The following RFT1 variants were observed in gnomAD, a reference collection of about 807,000 sequenced individuals.
The protein encoded by RFT1 is RFT1 glycolipid translocator homolog, also known as man(5)GlcNAc(2)-PP-dolichol translocation protein RFT1.
RFT1 carries 43 observed loss-of-function variants against 62.2 expected under a neutral mutation model. The observed-to-expected ratio is 0.69, with a 90% CI of 0.54 to 0.89. The LOEUF (loss-of-function observed/expected upper bound fraction) is 0.89, where lower values mean the gene tolerates loss of function less well. Among genes scored for constraint, RFT1 ranks in the 40% least tolerant of loss-of-function variants. The pLI is 0.00. For synonymous variants in RFT1, 262 were observed against 264.6 expected, an observed-to-expected ratio of 0.99 and a Z score of 0.10; for missense variants, 605 against 649.9, an observed-to-expected ratio of 0.93 and a Z score of 0.75.
At chr3:53,071,751 G>A in the RFT1 span, among the ~76,000 whole-genome samples, 1 of 152,144 alleles carries the variant, frequency 6.6e-6, no homozygotes, top group Non-Finnish European at 1.5e-5. Context: ...CCTTCCCCAG[G>A]GATATGACAC....
chr3:53,085,807 G>A (rs1280252806), downstream of RFT1: 1 of 152,256 alleles, frequency 6.6e-6, no homozygotes, highest in Non-Finnish European at 1.5e-5. Flanking sequence ...GTCAACTGGT[G>A]AAGAATCGAC....
intron 7 of RFT1, among the ~76,000 whole-genome samples, chr3:53,111,288 C>T (rs1701641520): frequency 6.6e-6 from 1 of 151,932 alleles, no homozygotes; most frequent in Non-Finnish European, 1.5e-5. Flanking sequence ...CACCTATAGT[C>T]CCAGCTACTC....
chr3:53,115,498 C>A (rs1160515299), intron 6 of RFT1, among the ~76,000 whole-genome samples: 1 of 152,174 alleles, frequency 6.6e-6, no homozygotes, highest in Non-Finnish European at 1.5e-5. Context: ...TGCCACCTGA[C>A]CCTAGCCTGG....
chr3:53,109,150 C>A (rs1701576799), intron 7 of RFT1, among the ~76,000 whole-genome samples: 1 of 152,096 alleles, frequency 6.6e-6, no homozygotes, highest in African/African-American at 2.4e-5. Flanking sequence ...TTGAGTCAGG[C>A]TGGGCCCACC....
chr3:53,083,414 G>C, the RFT1 span, among the ~76,000 whole-genome samples: 3 of 148,126 alleles, frequency 2.0e-5, no homozygotes, highest in Non-Finnish European at 4.5e-5. Flanking sequence ...AGGATCTCTT[G>C]AGCCCAGGAG....
At position 53,105,741 on chromosome 3, in the gene RFT1, C is replaced by G; in HGVS notation, c.889G>C (p.Glu297Gln). 1 of 1,613,884 alleles carries G rather than the reference C, an allele frequency of 6.2e-7. No homozygotes were observed. The highest frequency in any genetic ancestry group is 8.5e-7 in the Non-Finnish European group (1 of 1,179,882). ...LVARLIFQPI[E>Q]ESFYIFFAKV... ...GCAAAAAATATATAAAAACTTTCCT[C>G]TATTGGCTGGAAAATTAATCTGGCC... Residue 297 changes from glutamate (E) to glutamine (Q), a missense_variant, in exon 9 of 13, where the codon GAG (glutamate) becomes CAG (glutamine). Coordinates refer to ENST00000296292, the MANE Select transcript of RFT1 (RefSeq NM_052859.4).
chr3:53,091,607 C>T lies in RFT1; in HGVS notation c.*296G>A, dbSNP rs567674354. The T allele has an allele frequency of 4.9e-5, 19 of 390,300 alleles. No homozygotes were observed. The highest frequency in any genetic ancestry group is 7.7e-5 in the Non-Finnish European group (16 of 207,578). 24.2% of individuals were successfully genotyped at this position (390,300 alleles called of 1,614,324 possible). The stretch of plus-strand genomic sequence containing the variant: ...CATGTAGCTCCAAAGGCCAATCATA[C>T]GCAAAAGGAATGAGTATATTAGTAA... On this transcript the variant is annotated 3_prime_UTR_variant, in exon 13 of 13. Transcript: ENST00000296292.
At position 53,105,664 on chromosome 3, in the gene RFT1, C is replaced by A. The variant is rs753247463; in HGVS notation, c.957+9G>T. The A allele has an allele frequency of 1.2e-6, 2 of 1,613,216 alleles. No individual in the cohort carries two copies. Among genetic ancestry groups the A allele is most frequent in the Non-Finnish European group, 1.7e-6 (2 of 1,179,456 alleles). On this transcript the variant is annotated intron_variant, in intron 9 of 12. Coordinates refer to ENST00000296292, the MANE Select transcript of RFT1 (RefSeq NM_052859.4). The stretch of plus-strand genomic sequence containing the variant: ...TTCACTTGAGAGATGACATAAGAAC[C>A]AACATTACCTGCTTCTGAAGTGTGG...
downstream of RFT1, among the ~76,000 whole-genome samples, chr3:53,086,288 G>A (rs569387250): frequency 6.6e-6 from 1 of 152,094 alleles, no homozygotes; most frequent in Non-Finnish European, 1.5e-5. Context: ...TTTTAGAGTA[G>A]TGATCTTGTT....
intron 8 of RFT1, 101 bp downstream of exon 8, chr3:53,106,718 C>T: frequency 1.1e-6 from 1 of 904,024 alleles, no homozygotes; most frequent in South Asian, 1.4e-5. Flanking sequence ...TTTCTTTAAT[C>T]TTCAGGTTCA....
chr3:53,121,863 T>C (rs778265783), intron 4 of RFT1, 63 bp from the exon 5 acceptor site: 115 of 1,366,710 alleles, frequency 8.4e-5, no homozygotes, highest in Non-Finnish European at 1.1e-4. Flanking sequence ...TGTAATGGAA[T>C]GATAGACAGA....
intron 11 of RFT1, among the ~76,000 whole-genome samples, chr3:53,098,739 T>C (rs574419232): frequency 7.3e-6 from 1 of 136,328 alleles, no homozygotes; most frequent in Admixed American, 8.6e-5. Context: ...GAGGCAGAGC[T>C]TGCAGTGAGC....
chr3:53,110,720 T>C (rs1317841975), intron 7 of RFT1, among the ~76,000 whole-genome samples: 1 of 152,176 alleles, frequency 6.6e-6, no homozygotes, highest in Admixed American at 6.5e-5. Context: ...TTTTTTCTAT[T>C]TTCTTATTTT....
In RFT1 at chr3:53,091,712, CT is replaced by C. The variant is rs1375956015; in HGVS notation, c.*190del. 6.2e-6 allele frequency: 4 copies of C among 641,214 alleles called. No individual in the cohort carries two copies. The highest frequency in any genetic ancestry group is 2.8e-5 in the East Asian group (1 of 36,056). 39.7% of individuals were successfully genotyped at this position (641,214 alleles called of 1,614,324 possible). On this transcript the variant is annotated 3_prime_UTR_variant, in exon 13 of 13. Transcript: ENST00000296292. Reference sequence around the variant, plus strand: ...TTTTGGTCTTCACTTAAAAATGAAACTCCCCCCCCGCATTTCAGACTTCGAA... The same window carrying C: ...TTTTGGTCTTCACTTAAAAATGAAACCCCCCCCCGCATTTCAGACTTCGAA...
At chr3:53,069,174 A>C in the RFT1 span, among the ~76,000 whole-genome samples, 3 of 152,140 alleles carry the variant, frequency 2.0e-5, no homozygotes, top group African/African-American at 7.2e-5. Flanking sequence ...TTCTGACCTC[A>C]AGTGCTCCGC....
At chr3:53,086,407 C>G (rs541412476), downstream of RFT1, among the ~76,000 whole-genome samples, 2 of 152,242 alleles carry the variant, frequency 1.3e-5, no homozygotes, top group East Asian at 3.9e-4. Flanking sequence ...CCTCTGCCTC[C>G]CGGGTTCAAG....
chr3:53,099,261 G>T, intron 11 of RFT1, 120 bp downstream of exon 11: 1 of 782,842 alleles, frequency 1.3e-6, no homozygotes. Flanking sequence ...GGTGGACTAA[G>T]TGTTGCCTCT....
At chr3:53,119,763 A>G in intron 6 of RFT1, 121 bp downstream of exon 6, 1 of 1,006,714 alleles carries the variant, frequency 9.9e-7, no homozygotes, top group Non-Finnish European at 1.5e-6. Context: ...CAAGCACTCC[A>G]TAAATATGAG....
intron 11 of RFT1, among the ~76,000 whole-genome samples, chr3:53,098,573 C>A (rs140346251): frequency 1.6e-4 from 24 of 152,000 alleles, no homozygotes; most frequent in Non-Finnish European, 8.8e-5. Flanking sequence ...GAGGCCAAGG[C>A]GGGAGAATCA....
Sources: allele counts gnomAD v4.1 joint callset (sites outside exome capture counted in the v4.1 genomes callset), GRCh38; gene constraint gnomAD v4.1.1; transcripts MANE v1.5; gene names NCBI Gene and HGNC (gene_info 2026-07-23, HGNC 2026-07-21).